DOT1L: variants seen among roughly 807,000 people sequenced by gnomAD.
DOT1L encodes histone-lysine N-methyltransferase, H3 lysine-79 specific.
DOT1L carries 33 observed loss-of-function variants against 153.3 expected under a neutral mutation model. The observed-to-expected ratio is 0.22, with a 90% CI of 0.16 to 0.29. The LOEUF (loss-of-function observed/expected upper bound fraction) is 0.29. Among genes scored for constraint, DOT1L ranks in the 10% least tolerant of loss-of-function variants. DOT1L has a pLI of 1.00. For missense variants in DOT1L, 1,847 were observed against 2,119.9 expected (o/e 0.87, Z 2.53); for synonymous variants, 1,135 against 965.1 (o/e 1.18, Z -3.26).
intron 3 of DOT1L, among the ~76,000 whole-genome samples, chr19:2,188,619 G>A (rs763707850): frequency 7.2e-5 from 11 of 151,958 alleles, no homozygotes; most frequent in African/African-American, 1.2e-4. Flanking sequence ...TGCTTGCCTC[G>A]CCACATTCCT....
intron 3 of DOT1L, among the ~76,000 whole-genome samples, chr19:2,188,928 C>G (rs1017620966): frequency 6.6e-6 from 1 of 152,180 alleles, no homozygotes; most frequent in African/African-American, 2.4e-5. Context: ...GCCCCACAGA[C>G]AGTGGGCACT....
At chr19:2,205,746 T>C (rs1192709069) in intron 9 of DOT1L, among the ~76,000 whole-genome samples, 1 of 152,078 alleles carries the variant, frequency 6.6e-6, no homozygotes, top group Admixed American at 6.6e-5. Context: ...CAGGCTGGAG[T>C]GCACTGGTGT....
rs2023912468 is a variant in DOT1L at position 2,216,625 on chromosome 19, C to T, written c.2268C>T (p.Gly756=). ...EVVPCTPSHV[G]RPRLEKLSGL... is the part of the protein sequence containing the mutation. ...TGCCCTGTACCCCTAGCCACGTCGG[C>T]CGGCCGCGCCTGGAGAAGCTGTCTG... Residue 756 remains glycine, a synonymous_variant, in exon 20 of 28, where the codon GGC becomes GGT. Coordinates refer to ENST00000398665, the MANE Select transcript of DOT1L (RefSeq NM_032482.3). 1.2e-6 allele frequency: 2 copies of T among 1,606,010 alleles called. No homozygotes were observed. Among genetic ancestry groups the T allele is most frequent in the Non-Finnish European group, 1.7e-6 (2 of 1,179,908 alleles).
intron 7 of DOT1L, among the ~76,000 whole-genome samples, chr19:2,199,669 G>A (rs553217615): frequency 1.3e-5 from 2 of 152,322 alleles, no homozygotes; most frequent in East Asian, 3.9e-4. Flanking sequence ...ACCTGTCCCG[G>A]CTTCTCAGGA....
chr19:2,164,985 T>G (rs147122789), intron 1 of DOT1L, among the ~76,000 whole-genome samples: 8 of 152,350 alleles, frequency 5.3e-5, no homozygotes, highest in Admixed American at 1.3e-4. Context: ...AAATTTTGTC[T>G]TCTTCATCTT....
chr19:2,204,354 A>G lies in DOT1L; in HGVS notation c.787+1575A>G, dbSNP rs1291737251. On this transcript the variant is annotated intron_variant, in intron 9 of 27. Coordinates refer to ENST00000398665, the MANE Select transcript of DOT1L (RefSeq NM_032482.3). This position sits in a 1 kb window ranked among gnomAD's most constrained non-coding sequence, Gnocchi z 5.7. ...GTGTGCCTTGGGAGTTTGTTTGCAT[A>G]TCTGTGTGTGTGTGTGCGTGTGGCA... Among the ~76,000 whole-genome samples, 2 of 151,474 alleles carry G rather than the reference A, an allele frequency of 1.3e-5. No individual in the cohort carries two copies. The highest frequency in any genetic ancestry group is 2.9e-5 in the Non-Finnish European group (2 of 67,902).
rs565962820 is a variant in DOT1L at position 2,181,522 on chromosome 19, C to T, written c.125+766C>T. 1.7e-3 allele frequency among the ~76,000 whole-genome samples: 257 copies of T among 152,318 alleles called. 2 individuals are homozygous for T. The highest frequency in any genetic ancestry group is 5.7e-3 in the African/African-American group (237 of 41,562). On this transcript the variant is annotated intron_variant, in intron 2 of 27. Coordinates refer to ENST00000398665, the MANE Select transcript of DOT1L (RefSeq NM_032482.3). ...CCTGTAGTTCAGTGTTGGGGCCCAGCGGCACCTCCCTGGCCAGGTTGTTTG... is the reference window on the plus strand; with the variant it reads ...CCTGTAGTTCAGTGTTGGGGCCCAGTGGCACCTCCCTGGCCAGGTTGTTTG...
Position 2,207,022 on chromosome 19 carries a change from G to A in DOT1L, c.856+225G>A, listed in dbSNP as rs556517461. Among the ~76,000 whole-genome samples the A allele has an allele frequency of 2.6e-5, 4 of 152,338 alleles. No homozygotes were observed. The highest frequency in any genetic ancestry group is 9.6e-5 in the African/African-American group (4 of 41,578). ...CGACAACCACACACGTCCCCATAGA[G>A]CACTGTGTGCCATGGGGGTAGAATC... On this transcript the variant is annotated intron_variant, in intron 10 of 27. Transcript: ENST00000398665. The surrounding 1 kb of genome is among the most constrained non-coding windows in gnomAD (Gnocchi z 4.5).
rs1294685607 is a variant in DOT1L at position 2,216,396 on chromosome 19, G to A, written c.2039G>A (p.Gly680Asp). 4 of 1,612,274 alleles carry A rather than the reference G, an allele frequency of 2.5e-6. No homozygotes were observed. The highest frequency in any genetic ancestry group is 3.4e-6 in the Non-Finnish European group (4 of 1,179,852). ...CACCTGCGTGGGAAGGGCGCCCTGG[G>A]CCGCGAGCTGGAGCCTGACGCCAGC... ...SLHLRGKGAL[G>D]RELEPDASRL... is the part of the protein sequence containing the mutation. Residue 680 changes from glycine (G) to aspartate (D), a missense_variant, in exon 20 of 28, where the codon GGC becomes GAC. Physicochemically the swap from Gly to Asp is moderately conservative, Grantham distance 94. This residue lies in a region of DOT1L where 281 missense variants were observed against 263.6 expected (regional missense o/e 1.07). Coordinates refer to ENST00000398665, the MANE Select transcript of DOT1L (RefSeq NM_032482.3).
chr19:2,215,578 C>T (rs548684794), intron 19 of DOT1L: 1 of 152,350 alleles, frequency 6.6e-6, no homozygotes, highest in Non-Finnish European at 1.5e-5. Context: ...ATGACTGCAC[C>T]AAACCGTTGC....
chr19:2,202,931 C>CT (rs1425319813), intron 9 of DOT1L, 152 bp downstream of exon 9: 5 of 694,966 alleles, frequency 7.2e-6, no homozygotes, highest in African/African-American at 1.8e-5. Context: ...GCTTTTTTTT[C>CT]TTTTTTTATT....
chr19:2,218,712 T>C (rs565023424), intron 22 of DOT1L, among the ~76,000 whole-genome samples: 1 of 151,644 alleles, frequency 6.6e-6, no homozygotes, highest in Admixed American at 6.6e-5. Flanking sequence ...TTTTTTATTT[T>C]TCGAGATGGA....
At chr19:2,201,864 C>T (rs886402963) in intron 8 of DOT1L, among the ~76,000 whole-genome samples, 9 of 152,330 alleles carry the variant, frequency 5.9e-5, no homozygotes, top group East Asian at 3.9e-4. Flanking sequence ...CTGGGCACAG[C>T]GTGCAGGTCT....
intron 1 of DOT1L, chr19:2,164,504 A>C: frequency 3.3e-6 from 1 of 300,296 alleles, no homozygotes; most frequent in Non-Finnish European, 6.1e-6. Flanking sequence ...CCCGAGCCCT[A>C]CCGCGGTGCC....
chr19:2,211,910 C>A, intron 16 of DOT1L, 68 bp downstream of exon 16: 1 of 1,441,448 alleles, frequency 6.9e-7, no homozygotes, highest in Non-Finnish European at 9.4e-7. Flanking sequence ...TCCTGGGCAT[C>A]TGTCCCCTGT....
chr19:2,230,576 G>T lies in DOT1L; in HGVS notation c.*784G>T. 1 of 398,732 alleles carries T rather than the reference G, an allele frequency of 2.5e-6. No homozygotes were observed. The highest frequency in any genetic ancestry group is 4.4e-6 in the Non-Finnish European group (1 of 226,114). 24.7% of individuals were successfully genotyped at this position (398,732 alleles called of 1,614,324 possible). A position where few individuals can be genotyped will look rare whatever the true frequency, so the allele number is the denominator to read the frequency against. ...GTCCATGGCTCGCAGCATGCCCTGCGATGCGGGGCAGGCCTGTCGTGGGTC... is the reference window on the plus strand; with the variant it reads ...GTCCATGGCTCGCAGCATGCCCTGCTATGCGGGGCAGGCCTGTCGTGGGTC... On this transcript the variant is annotated 3_prime_UTR_variant, in exon 28 of 28. Transcript: ENST00000398665.
chr19:2,222,213 C>T lies in DOT1L; in HGVS notation c.3044C>T (p.Ala1015Val). Residue 1015 changes from alanine to valine, a missense_variant, in exon 24 of 28, where the codon GCC becomes GTC. Ala to Val is a moderately conservative substitution (Grantham distance 64). This residue lies in a region of DOT1L where 934 missense variants were observed against 825.3 expected (regional missense o/e 1.13). Transcript: ENST00000398665. The surrounding 1 kb of genome is among the most constrained non-coding windows in gnomAD (Gnocchi z 6.5). ...TCCTCCAGTCCCCGGCTTGGTGGGG[C>T]CGCCCAGGGCCCGTTGCCCGAGGCC... ...QLSSSPRLGG[A>V]AQGPLPEASK... 6.2e-7 allele frequency: 1 copy of T among 1,613,038 alleles called. No individual in the cohort carries two copies. The highest frequency in any genetic ancestry group is 8.5e-7 in the Non-Finnish European group (1 of 1,179,824).
chr19:2,187,340 T>C (rs994821705), intron 3 of DOT1L, among the ~76,000 whole-genome samples: 1 of 152,252 alleles, frequency 6.6e-6, no homozygotes, highest in African/African-American at 2.4e-5. Flanking sequence ...TGTCAGACGC[T>C]GTGCTCACGG....
intron 22 of DOT1L, among the ~76,000 whole-genome samples, chr19:2,218,608 T>C (rs1301830924): frequency 6.6e-6 from 1 of 152,036 alleles, no homozygotes; most frequent in Admixed American, 6.5e-5. Flanking sequence ...TTAGCCAGGA[T>C]GGTCTTGATC....
Sources: allele counts gnomAD v4.1 joint callset (sites outside exome capture counted in the v4.1 genomes callset), GRCh38; gene constraint gnomAD v4.1.1; regional missense constraint gnomAD v4.1.1; non-coding constraint Gnocchi (gnomAD v3.1); transcripts MANE v1.5; gene names NCBI Gene and HGNC (gene_info 2026-07-23, HGNC 2026-07-21).